The following SCN9A variants were observed in gnomAD, a reference collection of about 807,000 sequenced individuals.
SCN9A encodes the protein sodium voltage-gated channel alpha subunit 9, also known as sodium channel protein type 9 subunit alpha.
SCN9A carries 131 observed loss-of-function variants against 187.0 expected under a neutral mutation model. The ratio of observed to expected loss-of-function variants is 0.70; its 90% CI spans 0.61 to 0.81. The LOEUF (loss-of-function observed/expected upper bound fraction) is 0.81, where lower values mean the gene tolerates loss of function less well. SCN9A is among the 30% of genes least tolerant of loss of function. SCN9A has a pLI of 0.00. For missense variants in SCN9A, 2,252 were observed against 2,396.6 expected (o/e 0.94, Z 1.26); for synonymous variants, 809 against 808.6 (o/e 1.00, Z -0.01).
chr2:166,240,460 T>C (rs1695517580), intron 19 of SCN9A, among the ~76,000 whole-genome samples: 1 of 152,240 alleles, frequency 6.6e-6, no homozygotes, highest in Non-Finnish European at 1.5e-5. Flanking sequence ...CTTTTGAGAA[T>C]GCCCTCCCCA....
At chr2:166,319,332 T>G (rs2105242014) in intron 1 of SCN9A, among the ~76,000 whole-genome samples, 1 of 146,406 alleles carries the variant, frequency 6.8e-6, no homozygotes, top group African/African-American at 2.5e-5. Context: ...TTTAAGTTAC[T>G]TTGGATTAAG....
intron 13 of SCN9A, among the ~76,000 whole-genome samples, chr2:166,281,133 G>T (rs1313651586): frequency 6.6e-6 from 1 of 152,130 alleles, no homozygotes; most frequent in Non-Finnish European, 1.5e-5. Context: ...GAGATGAGTA[G>T]ACACTTTGCC....
At chr2:166,295,241 G>C (rs1317671424) in intron 7 of SCN9A, among the ~76,000 whole-genome samples, 1 of 152,242 alleles carries the variant, frequency 6.6e-6, no homozygotes, top group Non-Finnish European at 1.5e-5. Context: ...AGGGAGGATT[G>C]TGATGGCAGA....
At chr2:166,271,141 C>G (rs1310681377) in intron 17 of SCN9A, among the ~76,000 whole-genome samples, 1 of 151,852 alleles carries the variant, frequency 6.6e-6, no homozygotes, top group Non-Finnish European at 1.5e-5. Flanking sequence ...ACCATAATTT[C>G]TCAAAAAATT....
intron 21 of SCN9A, among the ~76,000 whole-genome samples, chr2:166,232,924 A>G (rs768590927): frequency 5.9e-4 from 87 of 147,614 alleles, no homozygotes; most frequent in Non-Finnish European, 1.1e-3. Context: ...ACTAGTATAT[A>G]CTAATGAGTA....
At chr2:166,202,222 A>T (rs1350455928) in intron 26 of SCN9A, among the ~76,000 whole-genome samples, 2 of 150,508 alleles carry the variant, frequency 1.3e-5, no homozygotes, top group Non-Finnish European at 3.0e-5. Context: ...GGCTTTACAA[A>T]TTTGTGTTTT....
chr2:166,320,252 A>G (rs1233312719), intron 1 of SCN9A, among the ~76,000 whole-genome samples: 1 of 152,132 alleles, frequency 6.6e-6, no homozygotes, highest in Non-Finnish European at 1.5e-5. Context: ...TTAATTTTAT[A>G]ATAGTTATTA....
intron 10 of SCN9A, among the ~76,000 whole-genome samples, chr2:166,286,846 A>AAACTATTAC (rs1414300100): frequency 2.6e-5 from 4 of 152,204 alleles, no homozygotes; most frequent in Non-Finnish European, 5.9e-5. Context: ...TTTTAGAATT[A>AAACTATTAC]AACTATTACA....
intron 17 of SCN9A, among the ~76,000 whole-genome samples, chr2:166,271,308 C>T (rs570379636): frequency 9.9e-5 from 15 of 152,128 alleles, no homozygotes; most frequent in African/African-American, 3.4e-4. Flanking sequence ...CATGTATTAA[C>T]GTGTTAATTC....
chr2:166,340,483 TTC>T (rs1302479294), intron 1 of SCN9A, among the ~76,000 whole-genome samples: 1 of 151,234 alleles, frequency 6.6e-6, no homozygotes, highest in East Asian at 2.0e-4. Context: ...TTCTTTCTCT[TTC>T]TTTTTTTCTT....
intron 1 of SCN9A, among the ~76,000 whole-genome samples, chr2:166,372,814 C>T (rs1015048865): frequency 2.2e-4 from 33 of 152,000 alleles, no homozygotes; most frequent in Admixed American, 6.5e-4. Flanking sequence ...TAAATATCTA[C>T]GAACCCCCTA....
chr2:166,366,518 A>T (rs566310144), intron 1 of SCN9A, among the ~76,000 whole-genome samples: 5 of 152,308 alleles, frequency 3.3e-5, no homozygotes, highest in African/African-American at 1.2e-4. Context: ...TTCTGATTTC[A>T]ATTGCTGGAT....
At chr2:166,268,132 C>T (rs765960710) in intron 17 of SCN9A, among the ~76,000 whole-genome samples, 1 of 151,896 alleles carries the variant, frequency 6.6e-6, no homozygotes, top group Non-Finnish European at 1.5e-5. Context: ...TTTCAATAAG[C>T]ATTTGTCTAA....
At position 166,272,895 on chromosome 2, in the gene SCN9A, G is replaced by C. The variant is rs200630781; in HGVS notation, c.2875-20C>G. The C allele has an allele frequency of 3.3e-5, 39 of 1,195,558 alleles. No individual in the cohort carries two copies. The highest frequency in any genetic ancestry group is 8.4e-5 in the Admixed American group (3 of 35,824). 74.1% of individuals were successfully genotyped at this position (1,195,558 alleles called of 1,614,324 possible). A position where few individuals can be genotyped will look rare whatever the true frequency, so the allele number is the denominator to read the frequency against. ...TAGGACCTATATCAGGGTGGGGAGA[G>C]GGGGTAGAGAAATAGGGAGACAGGA... On this transcript the variant is annotated intron_variant, in intron 16 of 26. Transcript: ENST00000642356.
chr2:166,344,597 T>A (rs1401589557), intron 1 of SCN9A, among the ~76,000 whole-genome samples: 1 of 152,178 alleles, frequency 6.6e-6, no homozygotes, highest in Non-Finnish European at 1.5e-5. Flanking sequence ...CATCAGCATG[T>A]TAGATCTTGT....
At chr2:166,290,331 A>C (rs977670515) in intron 9 of SCN9A, among the ~76,000 whole-genome samples, 6 of 152,042 alleles carry the variant, frequency 3.9e-5, no homozygotes, top group African/African-American at 1.4e-4. Context: ...TGGGCATTTG[A>C]GTTGATTCCA....
chr2:166,219,981 A>G (rs539322394), intron 24 of SCN9A, among the ~76,000 whole-genome samples: 1 of 152,326 alleles, frequency 6.6e-6, no homozygotes, highest in East Asian at 1.9e-4. Context: ...AAAACATACT[A>G]CAGAACAAGA....
At chr2:166,207,332 GT>G (rs1693855093) in intron 24 of SCN9A, among the ~76,000 whole-genome samples, 1 of 151,740 alleles carries the variant, frequency 6.6e-6, no homozygotes, top group Non-Finnish European at 1.5e-5. Flanking sequence ...TTTTTTAATT[GT>G]TTGCTATTGA....
rs1347876731 is a variant in SCN9A, at chr2:166,293,219, C to T, written c.1107+12G>A. Reference sequence around the variant, plus strand: ...ATTCAAAAATACAATGCATGTTTCTCTTGGTACTCACCTGTTGGTAAAGGT... The same window carrying T: ...ATTCAAAAATACAATGCATGTTTCTTTTGGTACTCACCTGTTGGTAAAGGT... On this transcript the variant is annotated intron_variant, in intron 9 of 26. Coordinates refer to ENST00000642356, the MANE Select transcript of SCN9A (RefSeq NM_001365536.1). 3 of 1,574,006 alleles carry T rather than the reference C, an allele frequency of 1.9e-6. No individual in the cohort carries two copies. The highest frequency in any genetic ancestry group is 1.7e-6 in the Non-Finnish European group (2 of 1,157,502).
Sources: gnomAD v4.1 joint callset for allele counts (sites outside exome capture counted in the v4.1 genomes callset) on GRCh38, gnomAD v4.1.1 for gene constraint, MANE v1.5 for transcripts, NCBI Gene and HGNC (gene_info 2026-07-23, HGNC 2026-07-21) for gene names.